CES5A: variants seen among roughly 807,000 people sequenced by gnomAD.
CES5A encodes the protein carboxylesterase 5.
Under a neutral mutation model 62.9 loss-of-function variants are expected in CES5A, and 67 were observed. The ratio of observed to expected loss-of-function variants is 1.07; its 90% CI spans 0.88 to 1.31. The LOEUF (loss-of-function observed/expected upper bound fraction) is 1.31, where lower values mean the gene tolerates loss of function less well. Among genes scored for constraint, CES5A ranks in the 50% most tolerant of loss-of-function variants. The pLI is 0.00. For missense variants in CES5A, 748 were observed against 708.5 expected (o/e 1.06, Z -0.63); for synonymous variants, 296 against 280.8 (o/e 1.05, Z -0.54).
At chr16:55,873,676 T>G in intron 2 of CES5A, 157 bp downstream of exon 2, 1 of 658,824 alleles carries the variant, frequency 1.5e-6, no homozygotes, top group Non-Finnish European at 2.6e-6. Context: ...AGTTTAGGAG[T>G]CAGGGGATTA....
At chr16:55,928,486 T>C (rs142298231), upstream of CES5A, among the ~76,000 whole-genome samples, 3 of 152,194 alleles carry the variant, frequency 2.0e-5, no homozygotes, top group East Asian at 5.8e-4. Flanking sequence ...ACAGTTCAGG[T>C]GACAGGTACA....
chr16:55,854,531 C>CTTTCTGTTTTTTTTCTT (rs1555479325), intron 9 of CES5A, among the ~76,000 whole-genome samples: 1 of 52,164 alleles, frequency 1.9e-5, no homozygotes, highest in East Asian at 6.2e-4. Context: ...TGTAGTGTTT[C>CTTTCTGTTTTTTTTCTT]TTTTTTTTTT....
At chr16:55,874,070 G>A in intron 1 of CES5A, 33 bp from the exon 2 acceptor site, 1 of 1,557,430 alleles carries the variant, frequency 6.4e-7, no homozygotes, top group Non-Finnish European at 8.7e-7. Flanking sequence ...TCAGGAGCAG[G>A]CTGGGGACAG....
chr16:55,861,247 A>G (rs2033344213), intron 7 of CES5A, among the ~76,000 whole-genome samples, 165 bp downstream of exon 7: 1 of 152,218 alleles, frequency 6.6e-6, no homozygotes, highest in Non-Finnish European at 1.5e-5. Flanking sequence ...TAAATTACCT[A>G]CAAGGGTTCT....
At chr16:55,903,644 A>C (rs1289382641) in intron 1 of CES5A, among the ~76,000 whole-genome samples, 1 of 152,232 alleles carries the variant, frequency 6.6e-6, no homozygotes, top group Non-Finnish European at 1.5e-5. Context: ...AATAGTAAAA[A>C]TAAAAGACAG....
intron 1 of CES5A, among the ~76,000 whole-genome samples, chr16:55,918,234 A>C (rs754000800): frequency 1.3e-5 from 2 of 152,206 alleles, no homozygotes; most frequent in Non-Finnish European, 2.9e-5. Flanking sequence ...AGGCCCAGAG[A>C]GGTACAAACT....
At chr16:55,908,856 G>A (rs1284524320) in intron 1 of CES5A, among the ~76,000 whole-genome samples, 8 of 152,226 alleles carry the variant, frequency 5.3e-5, no homozygotes, top group African/African-American at 1.7e-4. Context: ...TCCACCTGCA[G>A]TGGACATGGT....
intron 1 of CES5A, among the ~76,000 whole-genome samples, chr16:55,874,644 T>A (rs1372151261): frequency 6.6e-6 from 1 of 152,210 alleles, no homozygotes; most frequent in Non-Finnish European, 1.5e-5. Flanking sequence ...CTCATGCAGA[T>A]ACTTCCTGAA....
At chr16:55,938,813 T>C (rs7403902) in intron 2 of CES5A, among the ~76,000 whole-genome samples, 1 of 111,338 alleles carries the variant, frequency 9.0e-6, no homozygotes, top group East Asian at 2.4e-4. Context: ...CATATATATA[T>C]ATACACACAC....
chr16:55,949,885 C>T (rs1027021513), exon 2 of CES5A: 5 of 1,497,376 alleles, frequency 3.3e-6, no homozygotes, highest in Admixed American at 2.1e-5. Context: ...TCCACATTCC[C>T]CTTCTTATCC....
intron 1 of CES5A, among the ~76,000 whole-genome samples, chr16:55,902,832 A>G (rs1298908436): frequency 4.6e-5 from 7 of 152,072 alleles, no homozygotes; most frequent in African/African-American, 1.7e-4. Flanking sequence ...CTTACAACAC[A>G]TGTGCCTGGA....
intron 1 of CES5A, among the ~76,000 whole-genome samples, chr16:55,893,004 G>T (rs1161074469): frequency 6.6e-6 from 1 of 152,164 alleles, no homozygotes; most frequent in Non-Finnish European, 1.5e-5. Flanking sequence ...GTTTAGCCTG[G>T]CAGGTCGAAA....
chr16:55,866,418 C>G (rs1310578152), intron 4 of CES5A, among the ~76,000 whole-genome samples: 5 of 152,062 alleles, frequency 3.3e-5, no homozygotes, highest in African/African-American at 1.2e-4. Flanking sequence ...CTGTGTTGCC[C>G]AGGCTTGTCT....
chr16:55,896,832 T>A (rs1405701327), intron 1 of CES5A, among the ~76,000 whole-genome samples: 1 of 152,220 alleles, frequency 6.6e-6, no homozygotes, highest in East Asian at 1.9e-4. Context: ...ACAAAACTGC[T>A]TTAGAAAAGT....
chr16:55,916,693 G>T (rs1314617832), intron 1 of CES5A, among the ~76,000 whole-genome samples: 1 of 152,072 alleles, frequency 6.6e-6, no homozygotes, highest in African/African-American at 2.4e-5. Flanking sequence ...CATTTCCAGA[G>T]ACCAAGAACC....
At chr16:55,928,686 C>T (rs1183056833), upstream of CES5A, among the ~76,000 whole-genome samples, 1 of 152,172 alleles carries the variant, frequency 6.6e-6, no homozygotes, top group Admixed American at 6.5e-5. Flanking sequence ...CTGGGTGCAA[C>T]AGTTTTGACA....
chr16:55,887,231 G>C (rs967542108), intron 1 of CES5A, among the ~76,000 whole-genome samples: 1 of 151,928 alleles, frequency 6.6e-6, no homozygotes, highest in African/African-American at 2.4e-5. Context: ...CCAGAGCCTA[G>C]GCTCTGTGGA....
At chr16:55,857,262 C>A (rs556137685) in intron 8 of CES5A, among the ~76,000 whole-genome samples, 6 of 152,140 alleles carry the variant, frequency 3.9e-5, no homozygotes, top group African/African-American at 1.4e-4. Flanking sequence ...GTACCTCCCG[C>A]GAGGGTGGTG....
intron 2 of CES5A, among the ~76,000 whole-genome samples, chr16:55,934,657 GGTGTGTGT>G (rs758446998): frequency 7.4e-6 from 1 of 135,608 alleles, no homozygotes; most frequent in Admixed American, 7.2e-5. Flanking sequence ...AATTGTGTGG[GGTGTGTGT>G]GTGTGTGTGT....
Sources: gnomAD v4.1 joint callset for allele counts (sites outside exome capture counted in the v4.1 genomes callset) on GRCh38, gnomAD v4.1.1 for gene constraint, MANE v1.5 for transcripts, NCBI Gene and HGNC (gene_info 2026-07-23, HGNC 2026-07-21) for gene names.